NR4A1: variants seen among roughly 807,000 people sequenced by gnomAD.
The protein encoded by NR4A1 is nuclear receptor subfamily 4 group A member 1.
Under a neutral mutation model 47.5 loss-of-function variants are expected in NR4A1, and 24 were observed. The ratio of observed to expected loss-of-function variants is 0.50; its 90% CI spans 0.37 to 0.71. The LOEUF (loss-of-function observed/expected upper bound fraction) is 0.71, where lower values mean the gene tolerates loss of function less well. NR4A1 is among the 30% of genes least tolerant of loss of function. NR4A1 has a pLI of 0.00. For synonymous variants in NR4A1, 353 were observed against 345.7 expected (o/e 1.02, Z -0.24); for missense variants, 669 against 788.6 (o/e 0.85, Z 1.82).
upstream of NR4A1, among the ~76,000 whole-genome samples, chr12:52,048,828 T>G (rs551063225): frequency 1.2e-4 from 18 of 152,332 alleles, no homozygotes; most frequent in South Asian, 2.1e-3. Context: ...AAACCTTTTT[T>G]TTTTTTAAGC....
upstream of NR4A1, among the ~76,000 whole-genome samples, chr12:52,049,380 G>A (rs536273993): frequency 3.9e-5 from 6 of 152,390 alleles, no homozygotes; most frequent in African/African-American, 1.4e-4. Context: ...TGAGGCTTTA[G>A]AAAGAGGAGA....
chr12:52,051,640 CAG>C (rs1052993809), intron 1 of NR4A1, 72 bp downstream of exon 1: 1 of 946,510 alleles, frequency 1.1e-6, no homozygotes, highest in African/African-American at 1.8e-5. Flanking sequence ...TACGCGCGGG[CAG>C]AGAGGATGTT....
upstream of NR4A1, chr12:52,051,324 G>A (rs1299841868): frequency 8.2e-6 from 7 of 858,768 alleles, no homozygotes; most frequent in African/African-American, 3.7e-5. Context: ...CGCCGGAACC[G>A]CACCGCCCCC....
At chr12:52,038,481 C>T in intron 1 of NR4A1, 1 of 506,700 alleles carries the variant, frequency 2.0e-6, no homozygotes, top group Non-Finnish European at 3.6e-6. Flanking sequence ...GTATTAGGGG[C>T]ACATTGGGAA....
intron 1 of NR4A1, among the ~76,000 whole-genome samples, chr12:52,035,693 T>G (rs2701129): frequency 0.26 from 39,291 of 152,070 alleles, 8,654 homozygotes; most frequent in African/African-American, 0.61. Flanking sequence ...GTTCTTGGGA[T>G]GTGATTTTGA....
At chr12:52,033,969 G>A (rs962638460) in intron 1 of NR4A1, among the ~76,000 whole-genome samples, 4 of 152,226 alleles carry the variant, frequency 2.6e-5, no homozygotes, top group Admixed American at 6.5e-5. Flanking sequence ...GAGGTGGAGT[G>A]GAAGGGTGTC....
intron 1 of NR4A1, chr12:52,037,833 C>T (rs1306362200): frequency 2.5e-5 from 25 of 985,304 alleles, no homozygotes; most frequent in Non-Finnish European, 3.0e-5. Context: ...AGTCAAGAAA[C>T]CAAGGCTGGG....
chr12:52,024,277 A>T (rs1391014632), intron 1 of NR4A1, among the ~76,000 whole-genome samples: 2 of 152,360 alleles, frequency 1.3e-5, no homozygotes, highest in Middle Eastern at 3.4e-3. Flanking sequence ...AGATTATCAC[A>T]TGCAGTGGAT....
upstream of NR4A1, among the ~76,000 whole-genome samples, chr12:52,049,035 C>T (rs1036282997): frequency 2.6e-5 from 4 of 152,130 alleles, no homozygotes; most frequent in Non-Finnish European, 4.4e-5. Flanking sequence ...CCAGAGCTCT[C>T]TGCAGATGCA....
Position 52,054,354 on chromosome 12 carries a change from G to A in NR4A1, c.26G>A (p.Gly9Glu). Residue 9 changes from glycine (G) to glutamate (E), a missense_variant, in exon 2 of 7, where the codon GGG becomes GAG. Physicochemically the swap from Gly to Glu is moderately conservative, Grantham distance 98. Transcript: ENST00000394825. MPCIQAQYGTPAPSPGPRD... is the reference protein window; with the variant it reads MPCIQAQYETPAPSPGPRD... ...ATGCCCTGTATCCAAGCCCAATATG[G>A]GACACCAGCACCGAGTCCGGGACCC... The A allele has an allele frequency of 1.2e-6, 2 of 1,612,472 alleles. No individual in the cohort carries two copies. The highest frequency in any genetic ancestry group is 1.1e-5 in the South Asian group (1 of 90,850).
At chr12:52,042,809 G>C (rs1938488999) in intron 2 of NR4A1, among the ~76,000 whole-genome samples, 1 of 152,196 alleles carries the variant, frequency 6.6e-6, no homozygotes, top group Non-Finnish European at 1.5e-5. Context: ...CTGGTTCTGT[G>C]CCTAAAGGAG....
At chr12:52,037,589 C>T in intron 1 of NR4A1, 1 of 984,764 alleles carries the variant, frequency 1.0e-6, no homozygotes, top group Non-Finnish European at 1.2e-6. Flanking sequence ...GGATTCCCAG[C>T]GGAACCGCTG....
intron 1 of NR4A1, among the ~76,000 whole-genome samples, chr12:52,032,206 T>C (rs1592281397): frequency 6.6e-6 from 1 of 152,164 alleles, no homozygotes; most frequent in Non-Finnish European, 1.5e-5. Context: ...TTTGAATCAG[T>C]AGACTGAGTA....
chr12:52,056,255 G>A (rs1406642759), intron 3 of NR4A1, 96 bp downstream of exon 3: 1 of 1,487,892 alleles, frequency 6.7e-7, no homozygotes, highest in Non-Finnish European at 9.0e-7. Flanking sequence ...GGACCCAGAG[G>A]AGGGCACGTC....
intron 1 of NR4A1, chr12:52,037,364 G>T (rs60950139): frequency 2.0e-6 from 2 of 985,520 alleles, no homozygotes; most frequent in East Asian, 2.3e-4. Context: ...GCGCCCCTGC[G>T]GTGCAGAGCA....
At chr12:52,044,245 G>A (rs941982150) in intron 2 of NR4A1, among the ~76,000 whole-genome samples, 17 of 152,232 alleles carry the variant, frequency 1.1e-4, no homozygotes, top group African/African-American at 3.6e-4. Flanking sequence ...TGTCCATTGG[G>A]GTATCTCAGG....
At position 52,057,590 on chromosome 12, in the gene NR4A1, T is replaced by C. The variant is rs1939344316; in HGVS notation, c.1540+60T>C. On this transcript the variant is annotated intron_variant, in intron 6 of 6. Transcript: ENST00000394825. Reference sequence around the variant, plus strand: ...TGGGCGTCAGGGGGTTGACTGGTTCTCAGGAGGGCACTGTCCCAGGGAGTT... The same window carrying C: ...TGGGCGTCAGGGGGTTGACTGGTTCCCAGGAGGGCACTGTCCCAGGGAGTT... 6 of 1,588,722 alleles carry C rather than the reference T, an allele frequency of 3.8e-6. No homozygotes were observed. In the South Asian group the frequency reaches 5.7e-5, roughly 15 times the overall value.
chr12:52,040,927 T>C (rs1442005817), intron 1 of NR4A1, among the ~76,000 whole-genome samples: 1 of 151,872 alleles, frequency 6.6e-6, no homozygotes, highest in African/African-American at 2.4e-5. Context: ...CTGGAGGGGA[T>C]GGAAGAAGAG....
At chr12:52,043,730 A>G (rs1592289682) in intron 2 of NR4A1, 14 of 1,279,852 alleles carry the variant, frequency 1.1e-5, no homozygotes, top group Non-Finnish European at 2.0e-6. Context: ...CACCACATCC[A>G]GAGCTCGCTC....
Sources: allele counts gnomAD v4.1 joint callset (sites outside exome capture counted in the v4.1 genomes callset), GRCh38; gene constraint gnomAD v4.1.1; transcripts MANE v1.5; gene names NCBI Gene and HGNC (gene_info 2026-07-23, HGNC 2026-07-21).